The following SPAG17 variants were observed in gnomAD, a reference collection of about 807,000 sequenced individuals.
SPAG17 encodes the protein sperm-associated antigen 17.
Under a neutral mutation model 273.6 loss-of-function variants are expected in SPAG17, and 169 were observed. The ratio of observed to expected loss-of-function variants is 0.62; its 90% CI spans 0.55 to 0.70. The LOEUF (loss-of-function observed/expected upper bound fraction) is 0.70. SPAG17 is among the 30% of genes least tolerant of loss of function. The probability of loss-of-function intolerance (pLI) is 0.00; values close to 1 mark genes in which losing one functional copy is unlikely to be tolerated. For synonymous variants in SPAG17, 825 were observed against 873.2 expected, an observed-to-expected ratio of 0.94 and a Z score of 0.97; for missense variants, 2,557 against 2,627.8, an observed-to-expected ratio of 0.97 and a Z score of 0.59.
At position 118,136,833 on chromosome 1, in the gene SPAG17, T is replaced by TGTGTGTGTGTG. The variant is rs1553254756; in HGVS notation, c.315+13709_315+13710insCACACACACAC. On this transcript the variant is annotated intron_variant, in intron 3 of 48. Transcript: ENST00000336338. Reference sequence around the variant, plus strand: ...TGTGTGTGTGTGTGTGTGTGTGTGTTTTTAATGATGGAGGAATCATGAAAT... The same window carrying TGTGTGTGTGTG: ...TGTGTGTGTGTGTGTGTGTGTGTGTTGTGTGTGTGTGTTTAATGATGGAGGAATCATGAAAT... 5.1e-3 allele frequency among the ~76,000 whole-genome samples: 697 copies of TGTGTGTGTGTG among 137,538 alleles called. 10 individuals are homozygous for TGTGTGTGTGTG. The highest frequency in any genetic ancestry group is 0.016 in the African/African-American group (621 of 37,936). The allele number at this position is 137,538 out of a possible 152,430, so 90.2% of individuals were successfully genotyped here.
chr1:118,031,628 G>T, intron 25 of SPAG17, 64 bp downstream of exon 25: 1 of 1,529,310 alleles, frequency 6.5e-7, no homozygotes, highest in East Asian at 2.3e-5. Flanking sequence ...ATAAGTCATG[G>T]TTTTAAAAAA....
At chr1:118,094,563 A>G (rs1173955831) in intron 7 of SPAG17, among the ~76,000 whole-genome samples, 1 of 152,240 alleles carries the variant, frequency 6.6e-6, no homozygotes, top group South Asian at 2.1e-4. Context: ...GATGGATCCT[A>G]TCTTGGATAT....
In SPAG17 at chr1:118,101,791, T is replaced by G. The variant is rs147280829; in HGVS notation, c.583A>C (p.Thr195Pro). 767 of 1,614,078 alleles carry G rather than the reference T, an allele frequency of 4.8e-4. No homozygotes were observed. Among genetic ancestry groups the G allele is most frequent in the Middle Eastern group, 1.2e-3 (7 of 6,056 alleles). ...QPEANAPVKK[T>P]TQLKRRGEDD... ...TCTCCTCTCCGCTTTAACTGGGTGG[T>G]CTTTTTCACTGGTGCATTTGCCTCA... The change falls in exon 5 of 49, where the codon ACC becomes CCC. Residue 195 changes from threonine to proline, a missense_variant. Coordinates refer to ENST00000336338, the MANE Select transcript of SPAG17 (RefSeq NM_206996.4).
In SPAG17 at chr1:118,079,257, C is replaced by G. The variant is rs1362704545; in HGVS notation, c.2209+1844G>C. 8.6e-5 allele frequency among the ~76,000 whole-genome samples: 13 copies of G among 152,020 alleles called. No homozygotes were observed. In the East Asian group the frequency reaches 2.5e-3, roughly 29 times the overall value. On this transcript the variant is annotated intron_variant, in intron 15 of 48. Coordinates refer to ENST00000336338, the MANE Select transcript of SPAG17 (RefSeq NM_206996.4). Reference sequence around the variant, plus strand: ...CTGATATAATTAATTGGATATAAGACTACTCAGGTTTTCTATTTCTTCTTG... The same window carrying G: ...CTGATATAATTAATTGGATATAAGAGTACTCAGGTTTTCTATTTCTTCTTG...
At chr1:118,137,027 C>T (rs555503131) in intron 3 of SPAG17, among the ~76,000 whole-genome samples, 63 of 152,126 alleles carry the variant, frequency 4.1e-4, no homozygotes, top group African/African-American at 1.3e-3. Flanking sequence ...TCATTAGTTA[C>T]GAAATGTAAT....
At chr1:118,070,317 T>C (rs924687570) in intron 17 of SPAG17, among the ~76,000 whole-genome samples, 11 of 152,152 alleles carry the variant, frequency 7.2e-5, no homozygotes, top group African/African-American at 2.7e-4. Context: ...TCTCAGGATA[T>C]GGAAATACTA....
intron 13 of SPAG17, among the ~76,000 whole-genome samples, chr1:118,083,433 G>A (rs1349816280): frequency 6.6e-6 from 1 of 152,102 alleles, no homozygotes; most frequent in Non-Finnish European, 1.5e-5. Context: ...GAGGGGTGGT[G>A]GGGGACTGGG....
intron 20 of SPAG17, among the ~76,000 whole-genome samples, chr1:118,048,028 A>G (rs777368484): frequency 1.1e-3 from 166 of 151,998 alleles, no homozygotes; most frequent in Non-Finnish European, 2.0e-3. Context: ...AGTCAGGTGC[A>G]GGCTGGCTAC....
intron 3 of SPAG17, among the ~76,000 whole-genome samples, chr1:118,128,341 C>T (rs1412247415): frequency 6.6e-6 from 1 of 152,110 alleles, no homozygotes; most frequent in Non-Finnish European, 1.5e-5. Context: ...GTGTCGACTG[C>T]AAAGAGGGAC....
intron 1 of SPAG17, among the ~76,000 whole-genome samples, chr1:118,182,961 T>C (rs1193850927): frequency 6.6e-6 from 1 of 152,220 alleles, no homozygotes; most frequent in African/African-American, 2.4e-5. Flanking sequence ...AACTGATAAT[T>C]ATTCCAGCCT....
chr1:118,043,781 G>A (rs560216081), intron 20 of SPAG17, among the ~76,000 whole-genome samples: 1 of 152,334 alleles, frequency 6.6e-6, no homozygotes, highest in South Asian at 2.1e-4. Flanking sequence ...AGCACAGAAA[G>A]TTGAGGAAAT....
rs745582488 is a variant in SPAG17, at chr1:118,054,104, A to G, written c.2723-11T>C. ...TGATTCCTTTGTTACCTATAATCAGATAAAATTAAACTTCTTAGTAACTCT... is the reference window on the plus strand; with the variant it reads ...TGATTCCTTTGTTACCTATAATCAGGTAAAATTAAACTTCTTAGTAACTCT... On this transcript the variant is annotated splice_polypyrimidine_tract_variant and intron_variant, in intron 19 of 48. Coordinates refer to ENST00000336338, the MANE Select transcript of SPAG17 (RefSeq NM_206996.4). 2 of 1,561,288 alleles carry G rather than the reference A, an allele frequency of 1.3e-6. No individual in the cohort carries two copies. The highest frequency in any genetic ancestry group is 1.8e-6 in the Non-Finnish European group (2 of 1,140,002).
intron 32 of SPAG17, 132 bp downstream of exon 32, chr1:118,005,282 C>T (rs1274568437): frequency 7.4e-6 from 5 of 676,414 alleles, no homozygotes; most frequent in African/African-American, 1.8e-5. Context: ...ACTGCTTGCC[C>T]AAAGTATTGG....
In SPAG17 at chr1:117,963,809, G is replaced by T. The variant is rs139199807; in HGVS notation, c.6662C>A (p.Ser2221Tyr). The part of the protein sequence containing the change: ...TLGVFMSRKV[S>Y]PH Reference sequence around the variant, plus strand: ...TATTACTTACTGTACCTAATGTGGAGAAACTTTACGAGACATGAAGACTCC... The same window carrying T: ...TATTACTTACTGTACCTAATGTGGATAAACTTTACGAGACATGAAGACTCC... The change falls in exon 48 of 49, where the codon TCT becomes TAT. Residue 2221 changes from serine to tyrosine, a missense_variant. Physicochemically the swap from Ser to Tyr is moderately radical, Grantham distance 144. Coordinates refer to ENST00000336338, the MANE Select transcript of SPAG17 (RefSeq NM_206996.4). 6.2e-7 allele frequency: 1 copy of T among 1,612,172 alleles called. No homozygotes were observed. Among genetic ancestry groups the T allele is most frequent in the Non-Finnish European group, 8.5e-7 (1 of 1,178,962 alleles).
At chr1:117,959,502 A>T in intron 48 of SPAG17, 1 of 1,496,986 alleles carries the variant, frequency 6.7e-7, no homozygotes, top group Non-Finnish European at 8.9e-7. Context: ...AGGACTCCTA[A>T]ACTAAGCACA....
intron 17 of SPAG17, among the ~76,000 whole-genome samples, chr1:118,072,430 G>A (rs1018870068): frequency 4.6e-5 from 7 of 152,174 alleles, no homozygotes; most frequent in Non-Finnish European, 8.8e-5. Context: ...TGACGGTAAA[G>A]GGAGGCCCAG....
chr1:118,024,695 G>A (rs1647526099), intron 27 of SPAG17, among the ~76,000 whole-genome samples: 1 of 151,902 alleles, frequency 6.6e-6, no homozygotes, highest in Admixed American at 6.6e-5. Flanking sequence ...CCCATCCTCT[G>A]GGTGACAGTG....
intron 3 of SPAG17, among the ~76,000 whole-genome samples, chr1:118,121,874 A>G (rs1188597790): frequency 6.6e-6 from 1 of 152,188 alleles, no homozygotes; most frequent in Non-Finnish European, 1.5e-5. Flanking sequence ...AACATTATGA[A>G]TATTTTTTAT....
chr1:117,999,213 T>G (rs966959171), intron 32 of SPAG17, among the ~76,000 whole-genome samples: 1 of 152,250 alleles, frequency 6.6e-6, no homozygotes, highest in African/African-American at 2.4e-5. Flanking sequence ...CCACATTTTT[T>G]TAATCCAGTC....
Sources: allele counts gnomAD v4.1 joint callset (sites outside exome capture counted in the v4.1 genomes callset), GRCh38; gene constraint gnomAD v4.1.1; transcripts MANE v1.5; gene names NCBI Gene and HGNC (gene_info 2026-07-23, HGNC 2026-07-21).